Variants in UNC93A observed in about 807,000 individuals in gnomAD.
UNC93A encodes the protein N-acetylglucosamine transporter UNC93A.
A neutral mutation model predicts 47.5 loss-of-function variants in UNC93A; 43 were observed. That is an observed-to-expected ratio of 0.91 (90% confidence interval 0.71 to 1.17). The LOEUF (loss-of-function observed/expected upper bound fraction) is 1.17. Among genes scored for constraint, UNC93A ranks in the 50% most tolerant of loss-of-function variants. UNC93A has a pLI of 0.00. For synonymous variants in UNC93A, 280 were observed against 258.0 expected (o/e 1.09, Z -0.82); for missense variants, 605 against 577.6 (o/e 1.05, Z -0.49).
chr6:167,277,214 G>T (rs1783558256), intron 1 of UNC93A, among the ~76,000 whole-genome samples: 1 of 152,234 alleles, frequency 6.6e-6, no homozygotes, highest in African/African-American at 2.4e-5. Flanking sequence ...TCTTCACCCT[G>T]AGAACTGCGC....
At chr6:167,291,107 A>G (rs1332909871), upstream of UNC93A, among the ~76,000 whole-genome samples, 1 of 152,224 alleles carries the variant, frequency 6.6e-6, no homozygotes, top group Non-Finnish European at 1.5e-5. Context: ...GGAAGGTTCT[A>G]TTCTATATAC....
rs138265267 is a variant in UNC93A, at chr6:167,285,938, T to TTCTCTCTCTC, written c.-51-5487_-51-5478dup. Among the ~76,000 whole-genome samples the TTCTCTCTCTC allele has an allele frequency of 3.3e-3, 433 of 131,720 alleles. 8 individuals are homozygous for TTCTCTCTCTC. Among genetic ancestry groups the TTCTCTCTCTC allele is most frequent in the African/African-American group, 7.1e-3 (241 of 33,722 alleles). The allele number at this position is 131,720 out of a possible 152,430, so 86.4% of individuals were successfully genotyped here. A position where few individuals can be genotyped will look rare whatever the true frequency, so the allele number is the denominator to read the frequency against. ...ATGTCCAGTGAAGAGTTAGTTTTCT[T>TTCTCTCTCTC]TCTCTCTCTCTCTCTCTCTCTCTAT... On this transcript the variant is annotated intron_variant, in intron 1 of 3. Transcript: ENST00000503433.
chr6:167,296,840 T>C (rs927350101), intron 3 of UNC93A, among the ~76,000 whole-genome samples: 3 of 152,114 alleles, frequency 2.0e-5, no homozygotes, highest in African/African-American at 7.2e-5. Flanking sequence ...AGGACATACA[T>C]CTCTTTCATG....
chr6:167,311,956 A>G (rs1778568724), intron 7 of UNC93A, among the ~76,000 whole-genome samples: 1 of 149,114 alleles, frequency 6.7e-6, no homozygotes, highest in Non-Finnish European at 1.5e-5. Context: ...GACAGCCTTT[A>G]TTTGGGTTCC....
rs1778450923 is a variant in UNC93A at position 167,308,007 on chromosome 6, C to T, written c.1108+97C>T. The T allele has an allele frequency of 2.0e-6, 3 of 1,515,906 alleles. No individual in the cohort carries two copies. The African/African-American group carries it at 4.1e-5, about 21-fold the overall frequency. The allele number at this position is 1,515,906 out of a possible 1,614,324, so 93.9% of individuals were successfully genotyped here. On this transcript the variant is annotated intron_variant, in intron 7 of 7. Coordinates refer to ENST00000230256, the MANE Select transcript of UNC93A (RefSeq NM_018974.4). ...TCATTAGATGCCAATGGGCCAGAGC[C>T]AAGAGAGATGAGTTGGGAGAGACGG... is the stretch of plus-strand genomic sequence containing the variant.
upstream of UNC93A, among the ~76,000 whole-genome samples, chr6:167,270,735 G>A (rs1562337049): frequency 6.6e-6 from 1 of 152,272 alleles, no homozygotes; most frequent in East Asian, 1.9e-4. Flanking sequence ...GACCACTTGA[G>A]GACGAAGGCA....
intron 1 of UNC93A, among the ~76,000 whole-genome samples, chr6:167,273,600 C>T (rs544647059): frequency 2.6e-5 from 4 of 152,248 alleles, no homozygotes; most frequent in South Asian, 2.1e-4. Context: ...GACCATGGCC[C>T]GTGACACAGT....
intron 7 of UNC93A, among the ~76,000 whole-genome samples, chr6:167,313,105 G>A (rs1034148068): frequency 6.6e-6 from 1 of 152,210 alleles, no homozygotes; most frequent in African/African-American, 2.4e-5. Context: ...GCAGGAGTGA[G>A]GGTGTCACCT....
At chr6:167,275,117 G>C (rs947932627) in intron 1 of UNC93A, among the ~76,000 whole-genome samples, 23 of 152,214 alleles carry the variant, frequency 1.5e-4, no homozygotes, top group African/African-American at 5.3e-4. Flanking sequence ...GTTTTCAGGT[G>C]TCTGGGCAGT....
intron 4 of UNC93A, among the ~76,000 whole-genome samples, chr6:167,302,891 G>T (rs1440341569): frequency 6.6e-6 from 1 of 152,138 alleles, no homozygotes; most frequent in South Asian, 2.1e-4. Context: ...TTTAAGTTGC[G>T]CTTGTTCTGA....
chr6:167,284,380 C>G (rs1310327942), intron 1 of UNC93A, among the ~76,000 whole-genome samples: 1 of 152,158 alleles, frequency 6.6e-6, no homozygotes, highest in Admixed American at 6.5e-5. Context: ...GCAGATAAAT[C>G]AAGACACTCA....
chr6:167,280,905 A>G (rs1783621050), intron 1 of UNC93A, among the ~76,000 whole-genome samples: 1 of 152,180 alleles, frequency 6.6e-6, no homozygotes, highest in Non-Finnish European at 1.5e-5. Context: ...AAGAAAAAGG[A>G]GTACAAATTT....
intron 7 of UNC93A, 105 bp downstream of exon 7, chr6:167,308,015 A>T (rs1241246015): frequency 8.7e-6 from 13 of 1,490,872 alleles, no homozygotes; most frequent in Middle Eastern, 2.0e-4. Context: ...GCCAAGAGAG[A>T]TGAGTTGGGA....
chr6:167,272,503 C>T (rs112736813), intron 1 of UNC93A, among the ~76,000 whole-genome samples: 38 of 152,346 alleles, frequency 2.5e-4, no homozygotes, highest in Non-Finnish European at 4.0e-4. Flanking sequence ...TGTGACACAA[C>T]CCTCAGGAGG....
intron 1 of UNC93A, among the ~76,000 whole-genome samples, chr6:167,274,985 C>T (rs368795185): frequency 9.9e-5 from 15 of 152,282 alleles, no homozygotes; most frequent in African/African-American, 3.1e-4. Context: ...TGTTACCAGA[C>T]GTGGCACTGA....
chr6:167,278,396 A>G (rs949694469), intron 1 of UNC93A, among the ~76,000 whole-genome samples: 1 of 152,182 alleles, frequency 6.6e-6, no homozygotes, highest in African/African-American at 2.4e-5. Flanking sequence ...ATCAGTTACC[A>G]TCAAAGCTGC....
rs928111479 is a variant in UNC93A at position 167,296,608 on chromosome 6, A to G, written c.499+347A>G. 6.6e-5 allele frequency among the ~76,000 whole-genome samples: 10 copies of G among 152,214 alleles called. No individual in the cohort carries two copies. In the East Asian group the frequency reaches 1.7e-3, roughly 26 times the overall value. On this transcript the variant is annotated intron_variant, in intron 3 of 7. Transcript: ENST00000230256. ...CACAACTGTCCTTTTTAGACTAAGGATGGGGTTGCCTGATTTCTTTTCCCT... is the reference window on the plus strand; with the variant it reads ...CACAACTGTCCTTTTTAGACTAAGGGTGGGGTTGCCTGATTTCTTTTCCCT...
chr6:167,298,253 C>T (rs1193699389), intron 4 of UNC93A, 183 bp downstream of exon 4: 3 of 931,704 alleles, frequency 3.2e-6, no homozygotes, highest in Non-Finnish European at 3.1e-6. Context: ...TGCAGTACAC[C>T]CGTGCTGTCT....
chr6:167,272,685 A>G (rs1006973089), intron 1 of UNC93A, among the ~76,000 whole-genome samples: 3 of 152,206 alleles, frequency 2.0e-5, no homozygotes, highest in Non-Finnish European at 4.4e-5. Flanking sequence ...TTAATAGCTT[A>G]TAGGTAGATT....
Sources: allele counts gnomAD v4.1 joint callset (sites outside exome capture counted in the v4.1 genomes callset), GRCh38; gene constraint gnomAD v4.1.1; transcripts MANE v1.5; gene names NCBI Gene and HGNC (gene_info 2026-07-23, HGNC 2026-07-21).